The following GALNS variants were observed in gnomAD, a reference collection of about 807,000 sequenced individuals.
GALNS encodes N-acetylgalactosamine-6-sulfatase.
In GALNS, 65 loss-of-function variants were observed where a neutral mutation model predicts 65.9. The ratio of observed to expected loss-of-function variants is 0.99; its 90% CI spans 0.81 to 1.21. GALNS has a LOEUF of 1.21. Ranked by LOEUF, GALNS falls within the 50% of genes most tolerant of loss-of-function variation. GALNS has a pLI of 0.00. For synonymous variants in GALNS, 346 were observed against 288.9 expected, an observed-to-expected ratio of 1.20 and a Z score of -2.00; for missense variants, 776 against 700.7, an observed-to-expected ratio of 1.11 and a Z score of -1.21.
At chr16:88,821,096 T>C (rs897842465) in intron 12 of GALNS, among the ~76,000 whole-genome samples, 1 of 152,186 alleles carries the variant, frequency 6.6e-6, no homozygotes, top group Non-Finnish European at 1.5e-5. Flanking sequence ...CGTCTGTCTC[T>C]GTATCTCGGC....
chr16:88,834,289 C>T (rs1170660437), intron 8 of GALNS, among the ~76,000 whole-genome samples: 1 of 152,162 alleles, frequency 6.6e-6, no homozygotes, highest in Non-Finnish European at 1.5e-5. Flanking sequence ...TGTAGGCGCC[C>T]CCCGACATGG....
chr16:88,825,076 G>A (rs1910679331), intron 10 of GALNS, among the ~76,000 whole-genome samples: 2 of 143,578 alleles, frequency 1.4e-5, no homozygotes, highest in Admixed American at 1.4e-4. Flanking sequence ...CTCCTGGGTG[G>A]CCAGGGCTGG....
rs2061376 is a variant in GALNS at position 88,831,824 on chromosome 16, G to A, written c.1002+174C>T. 0.023 allele frequency among the ~76,000 whole-genome samples: 2,956 copies of A among 130,622 alleles called. 126 individuals are homozygous for A. The highest frequency in any genetic ancestry group is 0.074 in the Middle Eastern group (15 of 202). 85.7% of individuals were successfully genotyped at this position (130,622 alleles called of 152,430 possible). A position where few individuals can be genotyped will look rare whatever the true frequency, so the allele number is the denominator to read the frequency against. ...CGAGCACGGGGAGCGTGGGGAGGAGGGTGGTGAGGCTGAGCATGGGGTGCG... is the reference window on the plus strand; with the variant it reads ...CGAGCACGGGGAGCGTGGGGAGGAGAGTGGTGAGGCTGAGCATGGGGTGCG... On this transcript the variant is annotated intron_variant, in intron 9 of 13. Coordinates refer to ENST00000268695, the MANE Select transcript of GALNS (RefSeq NM_000512.5).
Position 88,814,284 on chromosome 16 carries a change from T to C in GALNS, c.*155A>G. ...CCAAGCACACGCCAGGGTCAGGTCC[T>C]GGGCAGGTGGAATTGTGCAGTCCCC... On this transcript the variant is annotated 3_prime_UTR_variant, in exon 14 of 14. Transcript: ENST00000268695. 2 of 1,026,290 alleles carry C rather than the reference T, an allele frequency of 1.9e-6. No individual in the cohort carries two copies. The highest frequency in any genetic ancestry group is 3.0e-6 in the Non-Finnish European group (2 of 677,454). 63.6% of individuals were successfully genotyped at this position (1,026,290 alleles called of 1,614,324 possible).
intron 1 of GALNS, among the ~76,000 whole-genome samples, chr16:88,852,291 CCTGA>C (rs1967541214): frequency 6.6e-6 from 1 of 152,168 alleles, no homozygotes; most frequent in Admixed American, 6.5e-5. Flanking sequence ...AGCTGAGGGA[CCTGA>C]CTCTTATAAG....
At chr16:88,852,539 C>T (rs1967552404) in intron 1 of GALNS, among the ~76,000 whole-genome samples, 1 of 152,206 alleles carries the variant, frequency 6.6e-6, no homozygotes, top group African/African-American at 2.4e-5. Flanking sequence ...ATGACTCTGA[C>T]GAGCTGACAG....
Position 88,817,877 on chromosome 16 carries a change from G to A in GALNS, c.1482+130C>T, listed in dbSNP as rs1597523623. On this transcript the variant is annotated intron_variant, in intron 13 of 13. Transcript: ENST00000268695. ...CGCCGCGTGTGCTCTGAGGCACGAG[G>A]GCCTCACCACTGACGGAGGCGGGGA... 56 of 823,782 alleles carry A rather than the reference G, an allele frequency of 6.8e-5. No individual in the cohort carries two copies. The East Asian group carries it at 1.5e-3, about 22-fold the overall frequency. 51.0% of individuals were successfully genotyped at this position (823,782 alleles called of 1,614,324 possible). A position where few individuals can be genotyped will look rare whatever the true frequency, so the allele number is the denominator to read the frequency against.
intron 12 of GALNS, 101 bp downstream of exon 12, chr16:88,822,488 G>A (rs1329276091): frequency 1.3e-6 from 2 of 1,488,326 alleles, no homozygotes; most frequent in African/African-American, 2.8e-5. Context: ...GCAAGGGGAG[G>A]CGGCGGGCAG....
At chr16:88,817,139 C>T in intron 13 of GALNS, 4 of 985,496 alleles carry the variant, frequency 4.1e-6, no homozygotes, top group Non-Finnish European at 4.8e-6. Context: ...GGCCACTGCA[C>T]ACGCGGGATG....
chr16:88,836,286 C>T lies in GALNS; in HGVS notation c.567-19G>A. The T allele has an allele frequency of 1.9e-6, 3 of 1,599,740 alleles. No individual in the cohort carries two copies. The highest frequency in any genetic ancestry group is 2.6e-6 in the Non-Finnish European group (3 of 1,170,284). ...ATAATATCTGAAAAGAACACAGATC[C>T]AGACAGACTTCAGAATTTAGGCCAA... On this transcript the variant is annotated intron_variant, in intron 5 of 13. Coordinates refer to ENST00000268695, the MANE Select transcript of GALNS (RefSeq NM_000512.5).
intron 1 of GALNS, among the ~76,000 whole-genome samples, chr16:88,846,501 G>A (rs1372378242): frequency 3.5e-5 from 5 of 143,614 alleles, no homozygotes; most frequent in East Asian, 4.1e-4. Flanking sequence ...GACAGAATGC[G>A]TTTCTGGCTT....
chr16:88,855,354 GAAAC>G (rs1567548494), intron 1 of GALNS: 1 of 701,084 alleles, frequency 1.4e-6, no homozygotes, highest in Non-Finnish European at 2.6e-6. Flanking sequence ...AAGAAATTCT[GAAAC>G]AAAGTATCTA....
chr16:88,835,677 C>T, intron 7 of GALNS, 48 bp downstream of exon 7: 1 of 1,612,416 alleles, frequency 6.2e-7, no homozygotes, highest in Non-Finnish European at 8.5e-7. Flanking sequence ...GAGTCAAGCA[C>T]AGCTGGGGCC....
chr16:88,821,917 T>C (rs542625624), intron 12 of GALNS, among the ~76,000 whole-genome samples: 3 of 151,938 alleles, frequency 2.0e-5, no homozygotes, highest in African/African-American at 2.4e-5. Flanking sequence ...GGAGCAGGAA[T>C]TGGGGACCTG....
At chr16:88,838,160 A>G (rs1912339839) in intron 4 of GALNS, among the ~76,000 whole-genome samples, 1 of 152,104 alleles carries the variant, frequency 6.6e-6, no homozygotes, top group African/African-American at 2.4e-5. Flanking sequence ...CTCGAACCCA[A>G]GTGTGTCTCC....
chr16:88,854,343 G>T (rs2143010705), intron 1 of GALNS, among the ~76,000 whole-genome samples: 1 of 152,346 alleles, frequency 6.6e-6, no homozygotes, highest in African/African-American at 2.4e-5. Flanking sequence ...AAGACAGCCT[G>T]TGAGGACCCC....
intron 1 of GALNS, chr16:88,843,614 C>T (rs545440750): frequency 4.2e-4 from 77 of 182,500 alleles, no homozygotes; most frequent in African/African-American, 1.8e-3. Flanking sequence ...GGGTGAAGGC[C>T]GAGGCCGAGA....
intron 1 of GALNS, chr16:88,843,285 C>A: frequency 8.6e-7 from 1 of 1,162,802 alleles, no homozygotes; most frequent in Admixed American, 2.4e-5. Context: ...CCCAGAAGCC[C>A]AGTTATCGTG....
intron 13 of GALNS, chr16:88,816,767 C>T (rs1011213785): frequency 2.0e-6 from 2 of 985,446 alleles, no homozygotes; most frequent in Non-Finnish European, 1.2e-6. Flanking sequence ...ACGCTGCAGC[C>T]GGGTCTGGCC....
Sources: allele counts gnomAD v4.1 joint callset (sites outside exome capture counted in the v4.1 genomes callset), GRCh38; gene constraint gnomAD v4.1.1; transcripts MANE v1.5; gene names NCBI Gene and HGNC (gene_info 2026-07-23, HGNC 2026-07-21).